Variants in RO60 observed in about 807,000 individuals in gnomAD.
The protein encoded by RO60 is RNA-binding protein RO60.
A neutral mutation model predicts 55.3 loss-of-function variants in RO60; 20 were observed. The observed-to-expected ratio is 0.36, with a 90% CI of 0.25 to 0.53. RO60 has a LOEUF of 0.53. Among genes scored for constraint, RO60 ranks in the 20% least tolerant of loss-of-function variants. RO60 has a pLI of 0.92. For synonymous variants in RO60, 213 were observed against 213.6 expected (o/e 1.00, Z 0.02); for missense variants, 558 against 646.6 (o/e 0.86, Z 1.49).
intron 1 of RO60, chr1:193,060,111 C>T (rs778429797): frequency 1.1e-5 from 13 of 1,212,864 alleles, no homozygotes; most frequent in Non-Finnish European, 1.4e-5. Flanking sequence ...CCTCCTTCTC[C>T]CGCGGCTTCT....
intron 8 of RO60, among the ~76,000 whole-genome samples, chr1:193,083,020 G>T (rs373224203): frequency 6.6e-6 from 1 of 152,102 alleles, no homozygotes; most frequent in Non-Finnish European, 1.5e-5. Flanking sequence ...GCTTCCCAAC[G>T]TGCTGGGATT....
At chr1:193,077,512 A>G (rs1041795647) in intron 5 of RO60, among the ~76,000 whole-genome samples, 2 of 152,200 alleles carry the variant, frequency 1.3e-5, no homozygotes, top group Non-Finnish European at 2.9e-5. Flanking sequence ...AGTGATGAGC[A>G]TAAGGGGGGA....
rs1212850732 is a variant in RO60, at chr1:193,088,045, C to T, written c.*3314C>T. On this transcript the variant is annotated 3_prime_UTR_variant, in exon 9 of 9. Transcript: ENST00000400968. ...CTTTTTTTTTTGAGACAGGCTATCC[C>T]TCTGTCACCCAGGCTGGAGTGGCAT... is the stretch of plus-strand genomic sequence containing the variant. 6.6e-6 allele frequency: 1 copy of T among 151,974 alleles called. No homozygotes were observed. Among genetic ancestry groups the T allele is most frequent in the African/African-American group, 2.4e-5 (1 of 41,298 alleles). The allele number at this position is 151,974 out of a possible 1,614,324, so 9.4% of individuals were successfully genotyped here. A position where few individuals can be genotyped will look rare whatever the true frequency, so the allele number is the denominator to read the frequency against.
intron 5 of RO60, 145 bp downstream of exon 5, chr1:193,077,195 T>C: frequency 1.3e-6 from 1 of 771,742 alleles, no homozygotes. Flanking sequence ...GTGGTGAGTA[T>C]ATAATTAATA....
In RO60 at chr1:193,086,922, T is replaced by TA. The variant is rs966063416; in HGVS notation, c.*2192dup. ...AAAAGCTAATTTTTTAAATTTTTGT[T>TA]AGAGAGCTGAGGTCCAAGACAGAGT... On this transcript the variant is annotated 3_prime_UTR_variant, in exon 9 of 9. Transcript: ENST00000400968. 64 of 152,234 alleles carry TA rather than the reference T, an allele frequency of 4.2e-4. No individual in the cohort carries two copies. Among genetic ancestry groups the TA allele is most frequent in the African/African-American group, 1.4e-3 (60 of 41,536 alleles). The allele number at this position is 152,234 out of a possible 1,614,324, so 9.4% of individuals were successfully genotyped here.
intron 5 of RO60, among the ~76,000 whole-genome samples, chr1:193,079,525 T>C (rs1674154505): frequency 6.6e-6 from 1 of 152,144 alleles, no homozygotes; most frequent in African/African-American, 2.4e-5. Flanking sequence ...AATACAAGAA[T>C]TAGTTCAAAG....
At chr1:193,070,366 A>G (rs1424980478) in intron 2 of RO60, among the ~76,000 whole-genome samples, 1 of 152,194 alleles carries the variant, frequency 6.6e-6, no homozygotes, top group African/African-American at 2.4e-5. Context: ...GGGACATAAT[A>G]ACTTGGGGCA....
At chr1:193,075,004 A>G (rs1159097496) in intron 2 of RO60, among the ~76,000 whole-genome samples, 10 of 152,144 alleles carry the variant, frequency 6.6e-5, no homozygotes, top group Non-Finnish European at 1.3e-4. Flanking sequence ...CAGGTGATCC[A>G]CACTCCTTGG....
At chr1:193,074,611 T>C (rs1270261866) in intron 2 of RO60, among the ~76,000 whole-genome samples, 3 of 152,216 alleles carry the variant, frequency 2.0e-5, no homozygotes. Flanking sequence ...TTGTTTGAGT[T>C]CTTTGTAGAT....
intron 6 of RO60, 57 bp from the exon 7 acceptor site, chr1:193,082,122 TAAAATTC>T: frequency 7.1e-6 from 7 of 983,796 alleles, no homozygotes; most frequent in Non-Finnish European, 1.1e-5. Context: ...TGAAGTTGGA[TAAAATTC>T]AAAATATTGT....
chr1:193,069,522 C>CAATG lies in RO60; in HGVS notation c.470_473dup (p.Lys159Ter). ...TCCGGAAGGCTATAGCGGACTGGTA[C>CAATG]AATGAGAAAGGTGGCATGGCCCTTG... On this transcript the variant is annotated frameshift_variant, in exon 2 of 9. Transcript: ENST00000400968. LOFTEE classifies it high-confidence loss of function. 1 of 1,614,150 alleles carries CAATG rather than the reference C, an allele frequency of 6.2e-7. No individual in the cohort carries two copies. Among genetic ancestry groups the CAATG allele is most frequent in the Non-Finnish European group, 8.5e-7 (1 of 1,180,030 alleles).
chr1:193,063,136 C>A (rs896599922), intron 1 of RO60, among the ~76,000 whole-genome samples: 1 of 152,166 alleles, frequency 6.6e-6, no homozygotes, highest in African/African-American at 2.4e-5. Flanking sequence ...ATTTTACATT[C>A]CCACCAGCAG....
chr1:193,078,325 T>G (rs1674067361), intron 5 of RO60, among the ~76,000 whole-genome samples: 1 of 152,206 alleles, frequency 6.6e-6, no homozygotes, highest in African/African-American at 2.4e-5. Flanking sequence ...TGGTGAGTGA[T>G]TGTAAGATTT....
chr1:193,078,558 A>T (rs1053761595), intron 5 of RO60, among the ~76,000 whole-genome samples: 2 of 152,216 alleles, frequency 1.3e-5, no homozygotes, highest in Non-Finnish European at 2.9e-5. Context: ...ACCAACACAT[A>T]AAAATCAGTT....
chr1:193,080,232 T>C (rs1164591568), intron 5 of RO60, among the ~76,000 whole-genome samples: 1 of 152,052 alleles, frequency 6.6e-6, no homozygotes, highest in African/African-American at 2.4e-5. Flanking sequence ...TCTAGTTGGA[T>C]AGCTAATATC....
In RO60 at chr1:193,091,158, ATTT is replaced by A. The variant is rs921467502; in HGVS notation, c.*6431_*6433del. 1 of 152,528 alleles carries A rather than the reference ATTT, an allele frequency of 6.6e-6. No individual in the cohort carries two copies. The highest frequency in any genetic ancestry group is 2.4e-5 in the African/African-American group (1 of 41,458). 9.4% of individuals were successfully genotyped at this position (152,528 alleles called of 1,614,324 possible). ...AGTTGTACAGTTCCAAAAATAATTA[ATTT>A]TTTAAGGGAATTTTTCAAGACAAAA... On this transcript the variant is annotated 3_prime_UTR_variant, in exon 9 of 9. Coordinates refer to ENST00000400968, the MANE Select transcript of RO60 (RefSeq NM_001173524.2).
chr1:193,066,303 T>C (rs1179874642), intron 1 of RO60, among the ~76,000 whole-genome samples: 2 of 152,192 alleles, frequency 1.3e-5, no homozygotes, highest in East Asian at 3.8e-4. Flanking sequence ...AAAGATTTTT[T>C]CTCTAAGTCC....
intron 1 of RO60, among the ~76,000 whole-genome samples, chr1:193,065,915 A>G (rs1673072559): frequency 6.6e-6 from 1 of 152,104 alleles, no homozygotes; most frequent in African/African-American, 2.4e-5. Flanking sequence ...GTCACATTCA[A>G]AATGTGAGGC....
At chr1:193,060,051 G>T (rs2102998268) in intron 1 of RO60, 1 of 1,335,188 alleles carries the variant, frequency 7.5e-7, no homozygotes, top group Non-Finnish European at 1.0e-6. Flanking sequence ...TGTCGGCATC[G>T]CTCCCCACAG....
Sources: gnomAD v4.1 joint callset for allele counts (sites outside exome capture counted in the v4.1 genomes callset) on GRCh38, gnomAD v4.1.1 for gene constraint, MANE v1.5 for transcripts, NCBI Gene and HGNC (gene_info 2026-07-23, HGNC 2026-07-21) for gene names.